COG3: variants seen among roughly 807,000 people sequenced by gnomAD.
The protein encoded by COG3 is conserved oligomeric Golgi complex subunit 3.
In COG3, 32 loss-of-function variants were observed where a neutral mutation model predicts 114.1. The ratio of observed to expected loss-of-function variants is 0.28; its 90% CI spans 0.21 to 0.38. The LOEUF is 0.38. Among genes scored for constraint, COG3 ranks in the 10% least tolerant of loss-of-function variants. The pLI is 1.00. For missense variants in COG3, 813 were observed against 973.2 expected (o/e 0.84, Z 2.19); for synonymous variants, 352 against 365.7 (o/e 0.96, Z 0.43).
In COG3 at chr13:45,535,771, C is replaced by T. The variant is rs1365334804; in HGVS notation, c.*1040C>T. The T allele has an allele frequency of 1.0e-6, 1 of 987,430 alleles. No homozygotes were observed. The highest frequency in any genetic ancestry group is 4.7e-5 in the South Asian group (1 of 21,386). The allele number at this position is 987,430 out of a possible 1,614,324, so 61.2% of individuals were successfully genotyped here. On this transcript the variant is annotated 3_prime_UTR_variant, in exon 23 of 23. Coordinates refer to ENST00000349995, the MANE Select transcript of COG3 (RefSeq NM_031431.4). The stretch of plus-strand genomic sequence containing the variant: ...CTATCCACATCTGAAAACTACCACA[C>T]CATATCAGGGATCATAAATTATGCA...
At chr13:45,531,169 G>A (rs548638481) in intron 22 of COG3, 5 of 605,626 alleles carry the variant, frequency 8.3e-6, no homozygotes, top group Admixed American at 1.1e-4. Context: ...GGTACAGGTG[G>A]TATTTGGCTA....
At chr13:45,504,175 C>T (rs570976319) in intron 14 of COG3, among the ~76,000 whole-genome samples, 2 of 152,316 alleles carry the variant, frequency 1.3e-5, no homozygotes, top group Admixed American at 6.5e-5. Flanking sequence ...CCCCAGCTAC[C>T]TCAAGATCCC....
chr13:45,500,065 TGA>T (rs72139510), intron 13 of COG3, among the ~76,000 whole-genome samples: 42,165 of 107,188 alleles, frequency 0.39, 7,509 homozygotes, highest in Middle Eastern at 0.54. Context: ...TGTGTGTGTG[TGA>T]GTGTGTGTGT....
chr13:45,525,716 C>T (rs563423481), intron 20 of COG3, among the ~76,000 whole-genome samples: 18 of 126,430 alleles, frequency 1.4e-4, no homozygotes, highest in Non-Finnish European at 1.7e-4. Context: ...GTACCTCTTG[C>T]GGCATTTTAA....
intron 14 of COG3, among the ~76,000 whole-genome samples, chr13:45,508,068 T>TAAAAAAAAAA (rs10571583): frequency 5.3e-4 from 17 of 32,272 alleles, no homozygotes; most frequent in South Asian, 2.7e-3. Flanking sequence ...AGGTCCAACC[T>TAAAAAAAAAA]AAAAAAAAAA....
chr13:45,530,140 TG>T (rs1198539055), intron 21 of COG3, among the ~76,000 whole-genome samples: 2 of 152,218 alleles, frequency 1.3e-5, no homozygotes, highest in African/African-American at 4.8e-5. Context: ...ATGTTACTAC[TG>T]AAAGTAGAAA....
At chr13:45,520,729 A>G (rs762092342) in intron 19 of COG3, among the ~76,000 whole-genome samples, 4 of 152,222 alleles carry the variant, frequency 2.6e-5, no homozygotes, top group Non-Finnish European at 5.9e-5. Context: ...AAAAGCCATA[A>G]AAAAGGAGGG....
At chr13:45,466,567 T>C (rs2137762953) in intron 1 of COG3, 1 of 152,306 alleles carries the variant, frequency 6.6e-6, no homozygotes, top group Non-Finnish European at 1.5e-5. Flanking sequence ...AGGTGGAAAT[T>C]TCTTTGGCTC....
In COG3 at chr13:45,484,667, A is replaced by G. The variant is rs1298287573; in HGVS notation, c.843+1312A>G. 1.9e-3 allele frequency among the ~76,000 whole-genome samples: 278 copies of G among 145,490 alleles called. 2 individuals are homozygous for G. The highest frequency in any genetic ancestry group is 6.8e-3 in the African/African-American group (269 of 39,316). On this transcript the variant is annotated intron_variant, in intron 7 of 22. Coordinates refer to ENST00000349995, the MANE Select transcript of COG3 (RefSeq NM_031431.4). ...TCACAGAGGGGGATTTGGCAGGGTC[A>G]TGGGACAATAGTGGAGGGAAGGTCA...
intron 13 of COG3, among the ~76,000 whole-genome samples, chr13:45,498,741 G>A (rs1053648597): frequency 3.6e-5 from 5 of 139,938 alleles, no homozygotes; most frequent in African/African-American, 7.9e-5. Flanking sequence ...CAGTTGTTTT[G>A]TAATAAATTT....
At position 45,488,056 on chromosome 13, in the gene COG3, T is replaced by C. The variant is rs144291097; in HGVS notation, c.924+1481T>C. Among the ~76,000 whole-genome samples, 195 of 152,294 alleles carry C rather than the reference T, an allele frequency of 1.3e-3. 1 individual carries two copies. The highest frequency in any genetic ancestry group is 4.5e-3 in the African/African-American group (185 of 41,566). On this transcript the variant is annotated intron_variant, in intron 8 of 22. Transcript: ENST00000349995. ...GATACTATTCAGCTGTAACAAAAAA[T>C]GAAATCCTGTCATTTGCAGCAACGT...
Position 45,480,344 on chromosome 13 carries a change from A to G in COG3, c.549+54A>G, listed in dbSNP as rs1026542941. On this transcript the variant is annotated intron_variant, in intron 4 of 22. Transcript: ENST00000349995. Reference sequence around the variant, plus strand: ...CATTATATTTAATATTTTAAAATAGATGAATACAGTTTTATTTTAATTTTC... The same window carrying G: ...CATTATATTTAATATTTTAAAATAGGTGAATACAGTTTTATTTTAATTTTC... 7 of 1,196,218 alleles carry G rather than the reference A, an allele frequency of 5.9e-6. No individual in the cohort carries two copies. The African/African-American group carries it at 1.1e-4, about 19-fold the overall frequency. 74.1% of individuals were successfully genotyped at this position (1,196,218 alleles called of 1,614,324 possible).
At position 45,483,967 on chromosome 13, in the gene COG3, ATTAG is replaced by A. The variant is rs150954930; in HGVS notation, c.843+616_843+619del. On this transcript the variant is annotated intron_variant, in intron 7 of 22. Coordinates refer to ENST00000349995, the MANE Select transcript of COG3 (RefSeq NM_031431.4). ...AACCAGTACAGAAAGAAGCAAATCAATTAGTTAATTATGGATTGTAGTTGATTCT... is the reference window on the plus strand; with the variant it reads ...AACCAGTACAGAAAGAAGCAAATCAATTAATTATGGATTGTAGTTGATTCT... Among the ~76,000 whole-genome samples the A allele has an allele frequency of 4.9e-4, 75 of 152,354 alleles. 1 individual carries two copies. The highest frequency in any genetic ancestry group is 1.8e-3 in the African/African-American group (74 of 41,596).
intron 20 of COG3, among the ~76,000 whole-genome samples, chr13:45,525,548 C>G (rs1872579945): frequency 7.0e-6 from 1 of 143,486 alleles, no homozygotes; most frequent in Non-Finnish European, 1.5e-5. Flanking sequence ...GCAGGCAATA[C>G]TATTGTCTGA....
intron 13 of COG3, among the ~76,000 whole-genome samples, chr13:45,500,570 GT>G (rs1048464367): frequency 6.6e-6 from 1 of 152,142 alleles, no homozygotes; most frequent in African/African-American, 2.4e-5. Flanking sequence ...TTGTAAGATA[GT>G]TTGAGATTTA....
chr13:45,523,845 A>G (rs1037744731), intron 19 of COG3, among the ~76,000 whole-genome samples: 2 of 152,246 alleles, frequency 1.3e-5, no homozygotes, highest in African/African-American at 4.8e-5. Context: ...ATATTTTTAC[A>G]ACGGAAAATA....
rs76027436 is a variant in COG3 at position 45,521,371 on chromosome 13, C to G, written c.2154+2277C>G. On this transcript the variant is annotated intron_variant, in intron 19 of 22. Transcript: ENST00000349995. ...AGAAGCCAGTCTCATCCTACGTGAT[C>G]AGTCTCTGCTGCCCTTGCTCAGACC... Among the ~76,000 whole-genome samples the G allele has an allele frequency of 7.9e-3, 1,209 of 152,290 alleles. 19 individuals are homozygous for G. Among genetic ancestry groups the G allele is most frequent in the African/African-American group, 0.027 (1,137 of 41,556 alleles).
rs201231954 is a variant in COG3 at position 45,476,290 on chromosome 13, C to T, written c.264C>T (p.Leu88=). ...SVVPESTEDI[L]LKGFTSLGME... is the part of the protein sequence containing the mutation. ...TGCCTGAATCTACAGAAGACATTCT[C>T]TTGAAGGGCTTCACTTCCTTAGGAA... The change falls in exon 2 of 23, where the codon CTC becomes CTT. Residue 88 remains leucine (L), a synonymous_variant. Transcript: ENST00000349995. 6.2e-7 allele frequency: 1 copy of T among 1,613,766 alleles called. No homozygotes were observed. Among genetic ancestry groups the T allele is most frequent in the African/African-American group, 1.3e-5 (1 of 74,916 alleles).
intron 13 of COG3, among the ~76,000 whole-genome samples, chr13:45,501,847 A>G (rs2137856930): frequency 6.6e-6 from 1 of 152,340 alleles, no homozygotes; most frequent in Middle Eastern, 3.4e-3. Context: ...TTTAAAGTTA[A>G]CAGGCTGGAA....
Sources: gnomAD v4.1 joint callset for allele counts (sites outside exome capture counted in the v4.1 genomes callset) on GRCh38, gnomAD v4.1.1 for gene constraint, MANE v1.5 for transcripts, NCBI Gene and HGNC (gene_info 2026-07-23, HGNC 2026-07-21) for gene names.